The following RAB4B variants were observed in gnomAD, a reference collection of about 807,000 sequenced individuals.
RAB4B encodes ras-related protein Rab-4B.
RAB4B carries 15 observed loss-of-function variants against 28.3 expected under a neutral mutation model. The ratio of observed to expected loss-of-function variants is 0.53; its 90% CI spans 0.35 to 0.82. RAB4B has a LOEUF of 0.82. Among genes scored for constraint, RAB4B ranks in the 40% least tolerant of loss-of-function variants. The pLI is 0.01. For missense variants in RAB4B, 244 were observed against 288.5 expected (o/e 0.85, Z 1.12); for synonymous variants, 108 against 116.3 (o/e 0.93, Z 0.46).
At chr19:40,780,165 G>T in intron 2 of RAB4B, 66 bp downstream of exon 2, 2 of 1,591,912 alleles carry the variant, frequency 1.3e-6, no homozygotes, top group Non-Finnish European at 8.6e-7. Flanking sequence ...GGGCTGGTGG[G>T]CAGCCGGTGG....
At chr19:40,783,749 G>A in intron 3 of RAB4B, 29 bp from the exon 4 acceptor site, 1 of 1,534,698 alleles carries the variant, frequency 6.5e-7, no homozygotes, top group Non-Finnish European at 8.8e-7. Context: ...CCCAGCCTTG[G>A]GGGTGACTGG....
chr19:40,779,810 G>GA (rs1043571339), intron 1 of RAB4B: 36 of 1,278,344 alleles, frequency 2.8e-5, no homozygotes, highest in African/African-American at 1.8e-4. Flanking sequence ...AATAAAAGTT[G>GA]AAAAAAAATA....
At chr19:40,795,945 G>C (rs573447203) in intron 7 of RAB4B, among the ~76,000 whole-genome samples, 1 of 152,084 alleles carries the variant, frequency 6.6e-6, no homozygotes, top group African/African-American at 2.4e-5. Flanking sequence ...GACTTCAGGT[G>C]ATCTGCCCGC....
At chr19:40,784,161 C>T (rs145605963) in intron 5 of RAB4B, 86 bp downstream of exon 5, 18 of 1,460,712 alleles carry the variant, frequency 1.2e-5, no homozygotes, top group Middle Eastern at 1.9e-4. Flanking sequence ...TGGCTGTACC[C>T]AGCAGGGGAA....
intron 5 of RAB4B, among the ~76,000 whole-genome samples, chr19:40,784,647 A>G (rs1177048447): frequency 6.6e-6 from 1 of 152,174 alleles, no homozygotes; most frequent in Non-Finnish European, 1.5e-5. Flanking sequence ...GATTGTGGAA[A>G]GTCCTTAGCA....
rs369954403 is a variant in RAB4B at position 40,786,971 on chromosome 19, G to A, written c.*8G>A. ...CAGCCGTGTGGCTGCTGAGCTCTGT[G>A]GAGCCAGGTGGGACACTGGGGGCTT... On this transcript the variant is annotated 3_prime_UTR_variant, in exon 7 of 8. Transcript: ENST00000357052. The A allele has an allele frequency of 6.2e-7, 1 of 1,613,176 alleles. No homozygotes were observed. Among genetic ancestry groups the A allele is most frequent in the African/African-American group, 1.3e-5 (1 of 74,942 alleles).
At chr19:40,787,120 T>G in intron 7 of RAB4B, 142 bp downstream of exon 7, 1 of 790,658 alleles carries the variant, frequency 1.3e-6, no homozygotes, top group Non-Finnish European at 2.0e-6. Context: ...AGGAGGCATC[T>G]GGCTGGGCGC....
At chr19:40,780,641 A>C (rs1234406393) in intron 3 of RAB4B, 142 bp downstream of exon 3, 1 of 683,606 alleles carries the variant, frequency 1.5e-6, no homozygotes, top group African/African-American at 1.8e-5. Context: ...TAGCAGGTAT[A>C]TATATCCAAG....
At chr19:40,791,195 C>T (rs975142014) in intron 7 of RAB4B, among the ~76,000 whole-genome samples, 18 of 152,098 alleles carry the variant, frequency 1.2e-4, no homozygotes, top group African/African-American at 4.1e-4. Flanking sequence ...TTGCCATGCT[C>T]GTGAGGCTGG....
intron 7 of RAB4B, among the ~76,000 whole-genome samples, chr19:40,787,986 AAG>A (rs2083118247): frequency 6.9e-6 from 1 of 144,640 alleles, no homozygotes; most frequent in South Asian, 2.1e-4. Context: ...AAAAAAAAAA[AAG>A]AGACATCTGC....
intron 7 of RAB4B, among the ~76,000 whole-genome samples, chr19:40,787,427 C>T (rs181617798): frequency 3.3e-5 from 5 of 151,724 alleles, no homozygotes; most frequent in African/African-American, 9.7e-5. Context: ...CCCAGCTACT[C>T]GGGAAGTTGA....
intron 7 of RAB4B, among the ~76,000 whole-genome samples, chr19:40,787,899 G>A (rs1161614734): frequency 6.8e-6 from 1 of 147,104 alleles, no homozygotes; most frequent in Non-Finnish European, 1.5e-5. Flanking sequence ...GAAGCTGAGG[G>A]TGCAGTGAGC....
intron 1 of RAB4B, 38 bp from the exon 2 acceptor site, chr19:40,779,981 C>A (rs773362703): frequency 3.2e-5 from 52 of 1,609,810 alleles, no homozygotes; most frequent in Non-Finnish European, 4.2e-5. Context: ...ATCTTTCTCT[C>A]CCTGTGGGTA....
At chr19:40,793,760 C>T (rs2145066119) in intron 7 of RAB4B, among the ~76,000 whole-genome samples, 1 of 151,310 alleles carries the variant, frequency 6.6e-6, no homozygotes, top group South Asian at 2.1e-4. Flanking sequence ...CCCACCTCTA[C>T]TAAAAATACA....
intron 3 of RAB4B, among the ~76,000 whole-genome samples, chr19:40,783,098 G>A (rs1360818759): frequency 4.9e-5 from 6 of 123,516 alleles, no homozygotes; most frequent in Non-Finnish European, 6.3e-5. Context: ...AGTGAGCCGA[G>A]ATCATGCCAC....
rs757733138 is a variant in RAB4B, at chr19:40,784,089, C to T, written c.430+14C>T. On this transcript the variant is annotated intron_variant, in intron 5 of 7. Transcript: ENST00000357052. ...CCCAGGAGAATGGTGAGGGCTGTGT[C>T]GTGGACCAGGTGGTGGTGGGGGTGG... 17 of 1,592,848 alleles carry T rather than the reference C, an allele frequency of 1.1e-5. No homozygotes were observed. Among genetic ancestry groups the T allele is most frequent in the Middle Eastern group, 1.7e-4 (1 of 6,000 alleles).
intron 7 of RAB4B, among the ~76,000 whole-genome samples, chr19:40,788,774 G>T (rs2083127546): frequency 7.0e-6 from 1 of 142,904 alleles, no homozygotes; most frequent in South Asian, 2.2e-4. Flanking sequence ...TTTTTATAGA[G>T]ACAGGGTTTC....
At chr19:40,796,472 G>C (rs951577197) in intron 7 of RAB4B, 98 bp from the exon 8 acceptor site, 1 of 152,396 alleles carries the variant, frequency 6.6e-6, no homozygotes, top group Admixed American at 6.5e-5. Context: ...TGGACAGACC[G>C]ATGCAGATAG....
chr19:40,778,508 C>G lies in RAB4B; in HGVS notation c.16+117C>G, dbSNP rs2083016652. ...GGGGTCTGGTGTGATGGAGGCAGGA[C>G]CTAAGTGGATGCTGGGAGGGGTTTA... On this transcript the variant is annotated intron_variant, in intron 1 of 7. Transcript: ENST00000357052. The G allele has an allele frequency of 2.8e-6, 3 of 1,069,454 alleles. No homozygotes were observed. In the South Asian group the frequency reaches 6.2e-5, roughly 22 times the overall value. The allele number at this position is 1,069,454 out of a possible 1,614,324, so 66.2% of individuals were successfully genotyped here.
Sources: gnomAD v4.1 joint callset for allele counts (sites outside exome capture counted in the v4.1 genomes callset) on GRCh38, gnomAD v4.1.1 for gene constraint, MANE v1.5 for transcripts, NCBI Gene and HGNC (gene_info 2026-07-23, HGNC 2026-07-21) for gene names.